The following RAPGEF4 variants were observed in gnomAD, a reference collection of about 807,000 sequenced individuals.
RAPGEF4 encodes the protein Rap guanine nucleotide exchange factor 4.
A neutral mutation model predicts 147.9 loss-of-function variants in RAPGEF4; 66 were observed. The ratio of observed to expected loss-of-function variants is 0.45; its 90% CI spans 0.37 to 0.55. The LOEUF is 0.55. Ranked by LOEUF, RAPGEF4 falls within the 20% of genes least tolerant of loss-of-function variation. The pLI is 0.00. For missense variants in RAPGEF4, 1,071 were observed against 1,257.3 expected (o/e 0.85, Z 2.24); for synonymous variants, 419 against 442.7 (o/e 0.95, Z 0.67).
At chr2:172,970,580 T>G (rs965243931) in intron 10 of RAPGEF4, among the ~76,000 whole-genome samples, 1 of 152,164 alleles carries the variant, frequency 6.6e-6, no homozygotes, top group Non-Finnish European at 1.5e-5. Flanking sequence ...GATTGTATAA[T>G]GAAGATGTTG....
chr2:172,963,509 T>G (rs1689512117), intron 8 of RAPGEF4, among the ~76,000 whole-genome samples: 1 of 152,216 alleles, frequency 6.6e-6, no homozygotes. Context: ...TTAAAATATG[T>G]CATGTTTGAT....
Position 173,036,109 on chromosome 2 carries a change from C to G in RAPGEF4, c.2701-16C>G, listed in dbSNP as rs375591944. ...CTGTCACCAGTCATTACCATCATCT[C>G]TTTTTCTCTCCTAAGGACCCTTCAA... On this transcript the variant is annotated splice_polypyrimidine_tract_variant and intron_variant, in intron 27 of 30. Coordinates refer to ENST00000397081, the MANE Select transcript of RAPGEF4 (RefSeq NM_007023.4). 10 of 1,579,828 alleles carry G rather than the reference C, an allele frequency of 6.3e-6. No individual in the cohort carries two copies. In the African/African-American group the frequency reaches 6.7e-5, roughly 11 times the overall value.
chr2:172,888,782 A>G (rs572659794), intron 4 of RAPGEF4, among the ~76,000 whole-genome samples: 1 of 152,356 alleles, frequency 6.6e-6, no homozygotes, highest in Non-Finnish European at 1.5e-5. Flanking sequence ...ATTGAATTCA[A>G]TACAGAAAGC....
chr2:172,988,834 C>T lies in RAPGEF4; in HGVS notation c.1369C>T (p.Leu457=). ...AGACAAGGAGGATTTCAACCGGATC[C>T]TAAGGGTGAGTCCAAAGCAAAGTGT... The part of the protein sequence containing the change: ...RVDKEDFNRI[L]RDVEANTVRL... The change falls in exon 14 of 31, where the codon CTA becomes TTA. Residue 457 remains leucine, a synonymous_variant. Coordinates refer to ENST00000397081, the MANE Select transcript of RAPGEF4 (RefSeq NM_007023.4). The T allele has an allele frequency of 6.2e-7, 1 of 1,613,604 alleles. No individual in the cohort carries two copies. The highest frequency in any genetic ancestry group is 2.2e-5 in the East Asian group (1 of 44,882).
At chr2:172,867,100 T>C (rs993101155) in intron 4 of RAPGEF4, among the ~76,000 whole-genome samples, 1 of 152,028 alleles carries the variant, frequency 6.6e-6, no homozygotes, top group Non-Finnish European at 1.5e-5. Context: ...GTCTCCCTAG[T>C]AGCTGGGATT....
At chr2:172,887,156 C>T (rs1284333966) in intron 4 of RAPGEF4, among the ~76,000 whole-genome samples, 3 of 147,498 alleles carry the variant, frequency 2.0e-5, no homozygotes, top group Non-Finnish European at 4.5e-5. Flanking sequence ...CACTGCAGTC[C>T]GCAGTCCGGC....
chr2:172,973,481 C>T (rs1690731815), intron 10 of RAPGEF4, among the ~76,000 whole-genome samples: 1 of 152,116 alleles, frequency 6.6e-6, no homozygotes, highest in South Asian at 2.1e-4. Flanking sequence ...AGGAAGAGCT[C>T]CTAGCCAGAT....
Position 172,950,481 on chromosome 2 carries a change from AGT to A in RAPGEF4, c.538-10274_538-10273del, listed in dbSNP as rs1478623549. On this transcript the variant is annotated intron_variant, in intron 6 of 30. Coordinates refer to ENST00000397081, the MANE Select transcript of RAPGEF4 (RefSeq NM_007023.4). ...TTATTATTAAATTTCATAAAAATGG[AGT>A]GTGTTTTTTTCCTGATTCTCTTAGG... is the stretch of plus-strand genomic sequence containing the variant. Among the ~76,000 whole-genome samples, 5 of 152,314 alleles carry A rather than the reference AGT, an allele frequency of 3.3e-5. No homozygotes were observed. In the East Asian group the frequency reaches 7.7e-4, roughly 24 times the overall value.
intron 4 of RAPGEF4, among the ~76,000 whole-genome samples, chr2:172,899,242 C>T (rs187247574): frequency 2.0e-5 from 3 of 152,212 alleles, no homozygotes; most frequent in Admixed American, 2.0e-4. Context: ...TCTTCTAGTA[C>T]TATAGAGATA....
At chr2:172,995,947 G>A (rs774253546) in intron 15 of RAPGEF4, among the ~76,000 whole-genome samples, 11 of 152,084 alleles carry the variant, frequency 7.2e-5, no homozygotes, top group South Asian at 2.1e-4. Context: ...GCTTTCTCTC[G>A]TTTTATTATT....
intron 1 of RAPGEF4, among the ~76,000 whole-genome samples, chr2:172,783,005 C>T (rs932003238): frequency 2.0e-5 from 3 of 152,150 alleles, no homozygotes; most frequent in Admixed American, 6.5e-5. Context: ...GGCTGTACTT[C>T]GATTTCACAT....
intron 4 of RAPGEF4, among the ~76,000 whole-genome samples, chr2:172,885,414 T>A (rs1327464452): frequency 6.6e-6 from 1 of 152,236 alleles, no homozygotes; most frequent in Non-Finnish European, 1.5e-5. Context: ...CCTGAACTAC[T>A]GGTTTAGGTT....
chr2:173,013,727 C>T (rs1219802158), intron 17 of RAPGEF4, among the ~76,000 whole-genome samples: 2 of 152,070 alleles, frequency 1.3e-5, no homozygotes, highest in East Asian at 1.9e-4. Context: ...GTATCCTAGG[C>T]GTAGTGTAGA....
intron 4 of RAPGEF4, among the ~76,000 whole-genome samples, chr2:172,891,650 A>C (rs891373390): frequency 3.3e-5 from 5 of 152,238 alleles, no homozygotes; most frequent in Non-Finnish European, 7.3e-5. Flanking sequence ...CACGTGCAGC[A>C]TGGAAGGATG....
chr2:172,925,577 A>T (rs1685200117), intron 6 of RAPGEF4, among the ~76,000 whole-genome samples: 1 of 93,776 alleles, frequency 1.1e-5, no homozygotes, highest in South Asian at 4.7e-4. Context: ...ACATAGTGAG[A>T]CTCTGTCTGT....
At chr2:172,799,083 G>A (rs1686699542) in intron 3 of RAPGEF4, among the ~76,000 whole-genome samples, 1 of 152,166 alleles carries the variant, frequency 6.6e-6, no homozygotes. Context: ...ATGGGAAGGA[G>A]AACAGTTAGC....
intron 1 of RAPGEF4, among the ~76,000 whole-genome samples, chr2:172,747,190 A>G (rs1460020793): frequency 1.3e-5 from 2 of 152,118 alleles, no homozygotes; most frequent in Non-Finnish European, 2.9e-5. Context: ...CTAGTCATTA[A>G]TTTTTCATCT....
At chr2:172,757,830 CT>C (rs1695921025) in intron 1 of RAPGEF4, among the ~76,000 whole-genome samples, 1 of 152,142 alleles carries the variant, frequency 6.6e-6, no homozygotes, top group South Asian at 2.1e-4. Context: ...GAGATTAATT[CT>C]TGCATTTAAC....
chr2:172,874,503 G>GT (rs1187613394), intron 4 of RAPGEF4, among the ~76,000 whole-genome samples: 3 of 152,030 alleles, frequency 2.0e-5, no homozygotes, highest in Non-Finnish European at 4.4e-5. Flanking sequence ...GCGATGTTTG[G>GT]TTTTTTGTCC....
Sources: gnomAD v4.1 joint callset for allele counts (sites outside exome capture counted in the v4.1 genomes callset) on GRCh38, gnomAD v4.1.1 for gene constraint, MANE v1.5 for transcripts, NCBI Gene and HGNC (gene_info 2026-07-23, HGNC 2026-07-21) for gene names.